The following ME1 variants were observed in gnomAD, a reference collection of about 807,000 sequenced individuals.
The protein encoded by ME1 is malic enzyme 1, also known as NADP-dependent malic enzyme.
In ME1, 74 loss-of-function variants were observed where a neutral mutation model predicts 66.4. That is an observed-to-expected ratio of 1.11 (90% CI 0.92 to 1.35). The LOEUF is 1.35. ME1 is among the 40% of genes most tolerant of loss of function. The probability of loss-of-function intolerance (pLI) is 0.00; values close to 1 mark genes in which losing one functional copy is unlikely to be tolerated. For synonymous variants in ME1, 251 were observed against 235.6 expected (o/e 1.07, Z -0.60); for missense variants, 750 against 694.1 (o/e 1.08, Z -0.90).
At chr6:83,363,560 G>A (rs1769044959) in intron 3 of ME1, among the ~76,000 whole-genome samples, 1 of 152,148 alleles carries the variant, frequency 6.6e-6, no homozygotes, top group African/African-American at 2.4e-5. Flanking sequence ...ATGGAGGTTT[G>A]GGTCACTCCA....
At chr6:83,370,675 C>T (rs1319831154) in intron 3 of ME1, among the ~76,000 whole-genome samples, 3 of 151,892 alleles carry the variant, frequency 2.0e-5, no homozygotes, top group African/African-American at 7.3e-5. Context: ...CAAATAACAG[C>T]AATGAAGTAA....
At chr6:83,219,630 C>T (rs192305505) in intron 12 of ME1, among the ~76,000 whole-genome samples, 7 of 152,134 alleles carry the variant, frequency 4.6e-5, no homozygotes, top group Admixed American at 1.3e-4. Flanking sequence ...CAGGGTCTCA[C>T]TCAGATTGCC....
At position 83,430,780 on chromosome 6, in the gene ME1, C is replaced by G. The variant is rs571628692; in HGVS notation, c.78+97G>C. ...CTCACCGGGAACCTTCCCAGGGGAG[C>G]GGCGGAGGGGCGAGGCCATGGTGCG... On this transcript the variant is annotated intron_variant, in intron 1 of 13. Transcript: ENST00000369705. 94 of 1,081,020 alleles carry G rather than the reference C, an allele frequency of 8.7e-5. 1 individual carries two copies. The highest frequency in any genetic ancestry group is 2.0e-4 in the Admixed American group (8 of 40,496). The allele number at this position is 1,081,020 out of a possible 1,614,324, so 67.0% of individuals were successfully genotyped here.
intron 6 of ME1, among the ~76,000 whole-genome samples, chr6:83,270,729 G>A (rs1341382098): frequency 6.6e-6 from 1 of 152,146 alleles, no homozygotes; most frequent in Non-Finnish European, 1.5e-5. Flanking sequence ...TGCATAATAT[G>A]TGGAATTTCT....
At chr6:83,256,419 G>A (rs1766770563) in intron 6 of ME1, among the ~76,000 whole-genome samples, 1 of 152,034 alleles carries the variant, frequency 6.6e-6, no homozygotes, top group Non-Finnish European at 1.5e-5. Context: ...GGTTTATGTG[G>A]CCAATAAACA....
intron 2 of ME1, among the ~76,000 whole-genome samples, chr6:83,405,895 G>C (rs534936771): frequency 2.0e-5 from 3 of 151,826 alleles, no homozygotes; most frequent in Non-Finnish European, 4.4e-5. Flanking sequence ...CTAATTTTTT[G>C]TATTTTTAGT....
intron 3 of ME1, among the ~76,000 whole-genome samples, chr6:83,355,020 T>C (rs1768862266): frequency 6.6e-6 from 1 of 152,226 alleles, no homozygotes; most frequent in East Asian, 1.9e-4. Context: ...AAGCTGACAC[T>C]ACATTATATC....
chr6:83,327,073 A>T (rs1768308423), intron 5 of ME1, among the ~76,000 whole-genome samples: 1 of 152,192 alleles, frequency 6.6e-6, no homozygotes. Context: ...TAAAGATTTC[A>T]TGGACACTTA....
chr6:83,387,065 G>T (rs987569371), intron 3 of ME1, among the ~76,000 whole-genome samples: 1 of 152,094 alleles, frequency 6.6e-6, no homozygotes, highest in African/African-American at 2.4e-5. Context: ...TTAATTTGCA[G>T]TTATTAAAAC....
intron 1 of ME1, among the ~76,000 whole-genome samples, chr6:83,420,409 T>C (rs1042559309): frequency 6.6e-6 from 1 of 152,190 alleles, no homozygotes; most frequent in African/African-American, 2.4e-5. Flanking sequence ...GTTAGGACCA[T>C]GAAGTGATCC....
chr6:83,229,652 G>T (rs531228687), intron 9 of ME1, among the ~76,000 whole-genome samples: 1 of 152,230 alleles, frequency 6.6e-6, no homozygotes, highest in South Asian at 2.1e-4. Flanking sequence ...ATGTTCAGAG[G>T]TTTTAAGGGA....
At chr6:83,263,431 T>C (rs1766931936) in intron 6 of ME1, among the ~76,000 whole-genome samples, 1 of 152,140 alleles carries the variant, frequency 6.6e-6, no homozygotes. Flanking sequence ...GTTAGACCTG[T>C]TGTACGAAGC....
chr6:83,230,138 G>A (rs113641307), intron 9 of ME1, among the ~76,000 whole-genome samples: 5 of 135,540 alleles, frequency 3.7e-5, no homozygotes, highest in Non-Finnish European at 7.9e-5. Context: ...GTTTTTTTTT[G>A]TTGTTGTTGT....
intron 12 of ME1, 64 bp downstream of exon 12, chr6:83,223,696 A>G: frequency 1.4e-6 from 2 of 1,455,286 alleles, no homozygotes; most frequent in Non-Finnish European, 1.9e-6. Context: ...AAAACATTAG[A>G]CAACCTAGGC....
Position 83,286,191 on chromosome 6 carries a change from A to T in ME1, c.704+29119T>A, listed in dbSNP as rs557694910. On this transcript the variant is annotated intron_variant, in intron 6 of 13. Coordinates refer to ENST00000369705, the MANE Select transcript of ME1 (RefSeq NM_002395.6). ...ACTTTCTGATTGGGTGGCTATAATA[A>T]GTTACTCTGTGCCTCTGTTTTCTTA... Among the ~76,000 whole-genome samples the T allele has an allele frequency of 7.2e-5, 11 of 152,276 alleles. No individual in the cohort carries two copies. In the South Asian group the frequency reaches 2.3e-3, roughly 32 times the overall value.
chr6:83,259,232 T>A (rs977354850), intron 6 of ME1, among the ~76,000 whole-genome samples: 1 of 152,206 alleles, frequency 6.6e-6, no homozygotes, highest in Non-Finnish European at 1.5e-5. Flanking sequence ...TTTTTTATAA[T>A]GTATTGAAGC....
At chr6:83,356,822 C>T (rs1768899188) in intron 3 of ME1, among the ~76,000 whole-genome samples, 1 of 152,056 alleles carries the variant, frequency 6.6e-6, no homozygotes, top group South Asian at 2.1e-4. Context: ...AATGCATTTC[C>T]TACAAATAAA....
chr6:83,379,374 CTT>C (rs1769352292), intron 3 of ME1, among the ~76,000 whole-genome samples: 1 of 151,966 alleles, frequency 6.6e-6, no homozygotes, highest in South Asian at 2.1e-4. Flanking sequence ...TCTTGAGAAA[CTT>C]TATATAGTTT....
intron 5 of ME1, among the ~76,000 whole-genome samples, chr6:83,320,773 T>G (rs1328776521): frequency 6.6e-6 from 1 of 152,224 alleles, no homozygotes; most frequent in African/African-American, 2.4e-5. Flanking sequence ...TAAAGAAGTC[T>G]GACTACAATG....
Sources: gnomAD v4.1 joint callset for allele counts (sites outside exome capture counted in the v4.1 genomes callset) on GRCh38, gnomAD v4.1.1 for gene constraint, MANE v1.5 for transcripts, NCBI Gene and HGNC (gene_info 2026-07-23, HGNC 2026-07-21) for gene names.